The following SLC39A10 variants were observed in gnomAD, a reference collection of about 807,000 sequenced individuals.
SLC39A10 encodes the protein zinc transporter ZIP10.
Under a neutral mutation model 65.1 loss-of-function variants are expected in SLC39A10, and 13 were observed. That is an observed-to-expected ratio of 0.20 (90% CI 0.13 to 0.32). The LOEUF is 0.32. Among genes scored for constraint, SLC39A10 ranks in the 10% least tolerant of loss-of-function variants. SLC39A10 has a pLI of 1.00. For synonymous variants in SLC39A10, 321 were observed against 342.2 expected, an observed-to-expected ratio of 0.94 and a Z score of 0.68; for missense variants, 831 against 1,018.4, an observed-to-expected ratio of 0.82 and a Z score of 2.50.
intron 2 of SLC39A10, among the ~76,000 whole-genome samples, chr2:195,637,018 A>T (rs1210529967): frequency 6.6e-6 from 1 of 152,152 alleles, no homozygotes; most frequent in Non-Finnish European, 1.5e-5. Context: ...TCTAGTCTCA[A>T]CTAAAAGCAG....
intron 5 of SLC39A10, among the ~76,000 whole-genome samples, chr2:195,711,083 G>C (rs2105817530): frequency 6.6e-6 from 1 of 152,314 alleles, no homozygotes; most frequent in South Asian, 2.1e-4. Context: ...AGACATATAA[G>C]TATTTAAAAG....
intron 5 of SLC39A10, 135 bp downstream of exon 5, chr2:195,708,979 G>A (rs2105814507): frequency 1.6e-6 from 1 of 631,818 alleles, no homozygotes; most frequent in Non-Finnish European, 2.5e-6. Context: ...AATCTTTAGA[G>A]TAAAAAGCTG....
chr2:195,678,416 T>C (rs559814785), intron 1 of SLC39A10, among the ~76,000 whole-genome samples: 1 of 152,354 alleles, frequency 6.6e-6, no homozygotes, highest in South Asian at 2.1e-4. Flanking sequence ...GCTGCTGTTA[T>C]GAAGTGCTTG....
rs528280752 is a variant in SLC39A10 at position 195,690,074 on chromosome 2, C to T, written c.1216+6168C>T. On this transcript the variant is annotated intron_variant, in intron 3 of 9. Transcript: ENST00000359634. ...TGCCTGTGATCCCAGCTACTTGGGA[C>T]GTTGAGGCAGGAGAATTGTTTGAAC... Among the ~76,000 whole-genome samples, 5 of 138,140 alleles carry T rather than the reference C, an allele frequency of 3.6e-5. No homozygotes were observed. In the East Asian group the frequency reaches 9.4e-4, roughly 26 times the overall value. The allele number at this position is 138,140 out of a possible 152,430, so 90.6% of individuals were successfully genotyped here. A position where few individuals can be genotyped will look rare whatever the true frequency, so the allele number is the denominator to read the frequency against.
chr2:195,693,455 C>CT (rs1052707997), intron 3 of SLC39A10, among the ~76,000 whole-genome samples: 35 of 151,792 alleles, frequency 2.3e-4, no homozygotes, highest in African/African-American at 8.0e-4. Flanking sequence ...TGGTCCTGGA[C>CT]TTTTTTTTGT....
At chr2:195,682,923 GT>G (rs200574867) in intron 2 of SLC39A10, among the ~76,000 whole-genome samples, 1 of 151,438 alleles carries the variant, frequency 6.6e-6, no homozygotes, top group African/African-American at 2.4e-5. Context: ...TTTTTGATGG[GT>G]TTTTTTTGGT....
At chr2:195,633,559 G>A (rs374780404) in intron 2 of SLC39A10, among the ~76,000 whole-genome samples, 2 of 152,154 alleles carry the variant, frequency 1.3e-5, no homozygotes, top group South Asian at 2.1e-4. Flanking sequence ...GCTGTATCCC[G>A]AGCTCTTGTC....
chr2:195,672,478 A>C (rs906193869), intron 1 of SLC39A10, among the ~76,000 whole-genome samples: 6 of 152,182 alleles, frequency 3.9e-5, no homozygotes, highest in South Asian at 2.1e-4. Context: ...TTCTAAACTA[A>C]AGTTGCAAAG....
At chr2:195,663,554 A>G (rs995665119) in intron 1 of SLC39A10, among the ~76,000 whole-genome samples, 47 of 152,284 alleles carry the variant, frequency 3.1e-4, no homozygotes, top group African/African-American at 1.1e-3. Context: ...TTCTGTGTAT[A>G]TATACATTAT....
At chr2:195,719,886 G>A (rs1409435609) in intron 8 of SLC39A10, among the ~76,000 whole-genome samples, 1 of 151,510 alleles carries the variant, frequency 6.6e-6, no homozygotes, top group African/African-American at 2.4e-5. Context: ...CGCCTCCCGG[G>A]TTCAAGTAAT....
In SLC39A10 at chr2:195,686,506, C is replaced by T. The variant is rs569551668; in HGVS notation, c.1216+2600C>T. ...CAGAGGTTGCAGTGAGCTGAGATCA[C>T]GCCACTGCACTCCAGCCTGGCAACA... On this transcript the variant is annotated intron_variant, in intron 3 of 9. Coordinates refer to ENST00000359634, the MANE Select transcript of SLC39A10 (RefSeq NM_020342.3). Among the ~76,000 whole-genome samples, 13 of 152,252 alleles carry T rather than the reference C, an allele frequency of 8.5e-5. No individual in the cohort carries two copies. The East Asian group carries it at 2.1e-3, about 25-fold the overall frequency.
chr2:195,664,709 C>T (rs1574240407), intron 1 of SLC39A10, among the ~76,000 whole-genome samples: 1 of 152,058 alleles, frequency 6.6e-6, no homozygotes, highest in East Asian at 1.9e-4. Context: ...GATCATACTG[C>T]TGGTGGCAGT....
chr2:195,692,446 A>G (rs1031398848), intron 3 of SLC39A10, among the ~76,000 whole-genome samples: 1 of 152,044 alleles, frequency 6.6e-6, no homozygotes, highest in Non-Finnish European at 1.5e-5. Context: ...AGTGTGGTCA[A>G]TTTCACAGTA....
chr2:195,686,112 T>C (rs1456718234), intron 3 of SLC39A10, among the ~76,000 whole-genome samples: 1 of 152,010 alleles, frequency 6.6e-6, no homozygotes, highest in Non-Finnish European at 1.5e-5. Context: ...ATGAGCAAAA[T>C]GATGTATATG....
intron 8 of SLC39A10, among the ~76,000 whole-genome samples, chr2:195,719,584 C>A (rs1691943922): frequency 6.6e-6 from 1 of 151,522 alleles, no homozygotes; most frequent in Non-Finnish European, 1.5e-5. Context: ...GTTCTTGTTG[C>A]CACAACCCTC....
At chr2:195,613,945 T>A (rs1231627190) in intron 2 of SLC39A10, among the ~76,000 whole-genome samples, 4 of 152,254 alleles carry the variant, frequency 2.6e-5, no homozygotes, top group African/African-American at 4.8e-5. Context: ...TATTTTCACC[T>A]GTTCTGTCCC....
At chr2:195,670,805 TAAAA>T (rs971963944) in intron 1 of SLC39A10, among the ~76,000 whole-genome samples, 3 of 152,148 alleles carry the variant, frequency 2.0e-5, no homozygotes, top group Non-Finnish European at 2.9e-5. Context: ...CAAAATAAGT[TAAAA>T]AAAGCACATT....
chr2:195,653,255 A>T (rs1180281872), upstream of SLC39A10, among the ~76,000 whole-genome samples: 4 of 151,972 alleles, frequency 2.6e-5, no homozygotes, highest in African/African-American at 9.7e-5. Context: ...ATCAGTCTTA[A>T]GGTCTGTTTT....
rs970180805 is a variant in SLC39A10 at position 195,716,986 on chromosome 2, C to G, written c.2046C>G (p.Phe682Leu). The G allele has an allele frequency of 6.2e-7, 1 of 1,613,788 alleles. No individual in the cohort carries two copies. The highest frequency in any genetic ancestry group is 2.2e-5 in the East Asian group (1 of 44,886). The change falls in exon 7 of 10, where the codon TTC (phenylalanine) becomes TTG (leucine). Residue 682 changes from phenylalanine (F) to leucine (L), a missense_variant. Transcript: ENST00000359634. ...MVIMGDGIHN[F>L]SDGLAIGAAF... ...TCATGGGGGATGGCATCCACAACTT[C>G]AGTGATGGGCTCGCAATTGGTAAGT...
Sources: allele counts gnomAD v4.1 joint callset (sites outside exome capture counted in the v4.1 genomes callset), GRCh38; gene constraint gnomAD v4.1.1; transcripts MANE v1.5; gene names NCBI Gene and HGNC (gene_info 2026-07-23, HGNC 2026-07-21).